SLC26A11: variants seen among roughly 807,000 people sequenced by gnomAD.
SLC26A11 encodes solute carrier family 26 member 11.
Under a neutral mutation model 62.2 loss-of-function variants are expected in SLC26A11, and 58 were observed. The observed-to-expected ratio is 0.93, with a 90% CI of 0.76 to 1.16. SLC26A11 has a LOEUF of 1.16. Ranked by LOEUF, SLC26A11 falls within the 50% of genes most tolerant of loss-of-function variation. The pLI, the probability that SLC26A11 is intolerant of heterozygous loss-of-function variation, is 0.00. For missense variants in SLC26A11, 790 were observed against 794.3 expected (o/e 0.99, Z 0.06); for synonymous variants, 411 against 368.9 (o/e 1.11, Z -1.31).
intron 7 of SLC26A11, among the ~76,000 whole-genome samples, chr17:80,235,102 G>A (rs2042658792): frequency 2.0e-5 from 3 of 152,012 alleles, no homozygotes; most frequent in South Asian, 4.1e-4. Flanking sequence ...CAGCTGCCTC[G>A]GCCTCCCAAA....
At chr17:80,236,237 G>C (rs1028025509) in intron 7 of SLC26A11, among the ~76,000 whole-genome samples, 1 of 152,088 alleles carries the variant, frequency 6.6e-6, no homozygotes, top group Non-Finnish European at 1.5e-5. Flanking sequence ...GCTTTGCCTC[G>C]ACCAGTTCTC....
intron 14 of SLC26A11, 104 bp downstream of exon 14, chr17:80,248,361 T>C (rs1047993311): frequency 5.4e-5 from 79 of 1,457,246 alleles, no homozygotes; most frequent in Non-Finnish European, 7.0e-5. Context: ...TGGGTGCTGC[T>C]GAAGGGGACC....
intron 16 of SLC26A11, 31 bp downstream of exon 16, chr17:80,249,318 A>G: frequency 1.2e-6 from 2 of 1,604,412 alleles, no homozygotes; most frequent in Non-Finnish European, 8.5e-7. Context: ...CTTAGGGGTT[A>G]GCAGCTGCCG....
intron 7 of SLC26A11, 131 bp from the exon 8 acceptor site, chr17:80,236,797 A>C (rs2042705234): frequency 1.1e-6 from 1 of 911,422 alleles, no homozygotes; most frequent in Non-Finnish European, 1.7e-6. Flanking sequence ...CCCAGAGTGC[A>C]GAGTGAGGAC....
rs146821162 is a variant in SLC26A11, at chr17:80,245,352, G to A, written c.1097+96G>A. The A allele has an allele frequency of 3.3e-4, 414 of 1,242,988 alleles. 2 individuals carry two copies. In the African/African-American group the frequency reaches 5.4e-3, roughly 16 times the overall value. The allele number at this position is 1,242,988 out of a possible 1,614,324, so 77.0% of individuals were successfully genotyped here. ...CTGCCTGCCCTGACCCCGGCGCCCCGTCCTCCACTGTGAACGCTCCGTGGA... is the reference window on the plus strand; with the variant it reads ...CTGCCTGCCCTGACCCCGGCGCCCCATCCTCCACTGTGAACGCTCCGTGGA... On this transcript the variant is annotated intron_variant, in intron 11 of 17. Transcript: ENST00000361193.
chr17:80,237,092 G>A lies in SLC26A11; in HGVS notation c.901G>A (p.Glu301Lys), dbSNP rs1195370265. ...AGCCAACGGGACGATCTCCTTCACC[G>A]AGATGGTGCAGGTGGGCGGAGCCGG... is the stretch of plus-strand genomic sequence containing the variant. Reference protein sequence around the residue: ...TTANGTISFTEMVQDMGAGLA... With the variant: ...TTANGTISFTKMVQDMGAGLA... Residue 301 changes from glutamate (E) to lysine (K), a missense_variant, in exon 8 of 18, where the codon GAG becomes AAG. Coordinates refer to ENST00000361193, the MANE Select transcript of SLC26A11 (RefSeq NM_001166347.2). 1.6e-5 allele frequency: 25 copies of A among 1,611,912 alleles called. No individual in the cohort carries two copies. The highest frequency in any genetic ancestry group is 2.2e-5 in the East Asian group (1 of 44,836).
intron 7 of SLC26A11, among the ~76,000 whole-genome samples, chr17:80,232,878 G>A (rs780663362): frequency 1.4e-4 from 22 of 152,016 alleles, no homozygotes; most frequent in Non-Finnish European, 2.8e-4. Context: ...GTTTCTAAGT[G>A]ACTGCTTTAA....
chr17:80,221,320 A>AC, intron 2 of SLC26A11: 2 of 462,330 alleles, frequency 4.3e-6, no homozygotes, highest in East Asian at 3.6e-5. Flanking sequence ...CAGGATTTGC[A>AC]CGGGGGGGAT....
chr17:80,249,298 A>T lies in SLC26A11; in HGVS notation c.1656+11A>T, dbSNP rs370652078. On this transcript the variant is annotated intron_variant, in intron 16 of 17. Coordinates refer to ENST00000361193, the MANE Select transcript of SLC26A11 (RefSeq NM_001166347.2). Reference sequence around the variant, plus strand: ...TTTGTGGGCCTGCAGGTGGGTGTGCACTGGGCTGCCTTAGGGGTTAGCAGC... The same window carrying T: ...TTTGTGGGCCTGCAGGTGGGTGTGCTCTGGGCTGCCTTAGGGGTTAGCAGC... 3.7e-5 allele frequency: 59 copies of T among 1,608,934 alleles called. No individual in the cohort carries two copies. The African/African-American group carries it at 7.1e-4, about 19-fold the overall frequency.
Position 80,223,337 on chromosome 17 carries a change from G to C in SLC26A11, c.513G>C (p.Lys171Asn), listed in dbSNP as rs1210915565. Residue 171 changes from lysine to asparagine, a missense_variant and splice_region_variant, in exon 5 of 18, where the codon AAG becomes AAC. Transcript: ENST00000361193. This position sits in a 1 kb window ranked among gnomAD's most constrained non-coding sequence, Gnocchi z 4.6. ...AAVTIGFGQI[K>N]NLLGLQNIPR... The stretch of plus-strand genomic sequence containing the variant: ...TCACCATCGGCTTTGGACAGATCAA[G>C]GTAGGCACGGCGCCCACCCAGGGCA... 2 of 1,613,926 alleles carry C rather than the reference G, an allele frequency of 1.2e-6. No homozygotes were observed. Among genetic ancestry groups the C allele is most frequent in the Non-Finnish European group, 8.5e-7 (1 of 1,179,982 alleles).
chr17:80,248,458 C>T, intron 14 of SLC26A11, 117 bp from the exon 15 acceptor site: 2 of 1,289,932 alleles, frequency 1.6e-6, no homozygotes, highest in Non-Finnish European at 2.1e-6. Flanking sequence ...CCTTAGCACC[C>T]CTCTCCCGGT....
chr17:80,226,979 C>G (rs2042430700), intron 6 of SLC26A11, among the ~76,000 whole-genome samples: 1 of 152,166 alleles, frequency 6.6e-6, no homozygotes, highest in Non-Finnish European at 1.5e-5. Context: ...TCTTCAGAGG[C>G]ACCAGTGGGC....
Position 80,228,034 on chromosome 17 carries a change from C to A in SLC26A11, c.736+74C>A. The stretch of plus-strand genomic sequence containing the variant: ...GGTCACTTGGGGAGTCCTAGTCCCA[C>A]CCTAGGGATTCTCACGTCATTGGTC... On this transcript the variant is annotated intron_variant, in intron 7 of 17. Transcript: ENST00000361193. The surrounding 1 kb of genome is among the most constrained non-coding windows in gnomAD (Gnocchi z 4.1). 7.2e-7 allele frequency: 1 copy of A among 1,387,694 alleles called. No homozygotes were observed. Among genetic ancestry groups the A allele is most frequent in the South Asian group, 1.2e-5 (1 of 80,082 alleles). The allele number at this position is 1,387,694 out of a possible 1,614,324, so 86.0% of individuals were successfully genotyped here.
intron 7 of SLC26A11, among the ~76,000 whole-genome samples, chr17:80,230,234 A>G (rs186023048): frequency 3.3e-5 from 5 of 151,268 alleles, no homozygotes; most frequent in Non-Finnish European, 7.4e-5. Context: ...GGAAATGCTT[A>G]GAGACCCCAT....
At chr17:80,232,946 G>C (rs2042599369) in intron 7 of SLC26A11, among the ~76,000 whole-genome samples, 1 of 152,088 alleles carries the variant, frequency 6.6e-6, no homozygotes, top group African/African-American at 2.4e-5. Flanking sequence ...AACTTCATGT[G>C]ATATAAGAAC....
Position 80,223,360 on chromosome 17 carries a change from G to A in SLC26A11, c.513+23G>A. On this transcript the variant is annotated intron_variant, in intron 5 of 17. Transcript: ENST00000361193. The surrounding 1 kb of genome is among the most constrained non-coding windows in gnomAD (Gnocchi z 4.6). ...AAGGTAGGCACGGCGCCCACCCAGG[G>A]CACTGCTCTTTGGCCACTGCTCGTT... is the stretch of plus-strand genomic sequence containing the variant. 2 of 1,611,766 alleles carry A rather than the reference G, an allele frequency of 1.2e-6. No individual in the cohort carries two copies. The highest frequency in any genetic ancestry group is 1.7e-6 in the Non-Finnish European group (2 of 1,178,528).
chr17:80,246,501 C>A lies in SLC26A11; in HGVS notation c.1154-8C>A. The A allele has an allele frequency of 1.2e-6, 2 of 1,609,490 alleles. No homozygotes were observed. Among genetic ancestry groups the A allele is most frequent in the Non-Finnish European group, 1.7e-6 (2 of 1,179,944 alleles). ...TCCCGAGGTCACCTGTGTTCCCGTG[C>A]CCCGCAGGAGTGCTGGTGCTGCTGT... is the stretch of plus-strand genomic sequence containing the variant. On this transcript the variant is annotated splice_region_variant and splice_polypyrimidine_tract_variant and intron_variant, in intron 12 of 17. Coordinates refer to ENST00000361193, the MANE Select transcript of SLC26A11 (RefSeq NM_001166347.2). This position sits in a 1 kb window ranked among gnomAD's most constrained non-coding sequence, Gnocchi z 4.4.
intron 7 of SLC26A11, among the ~76,000 whole-genome samples, chr17:80,231,193 GC>G (rs1300425984): frequency 7.6e-5 from 9 of 118,170 alleles, no homozygotes; most frequent in Non-Finnish European, 1.3e-4. Flanking sequence ...ACGGAGTTTC[GC>G]TCTTGTCCCC....
chr17:80,237,061 G>A lies in SLC26A11; in HGVS notation c.870G>A (p.Val290=). The A allele has an allele frequency of 6.2e-7, 1 of 1,613,920 alleles. No homozygotes were observed. The highest frequency in any genetic ancestry group is 8.5e-7 in the Non-Finnish European group (1 of 1,179,934). The part of the protein sequence containing the change: ...LPPVRIPPFS[V]TTANGTISFT... The stretch of plus-strand genomic sequence containing the variant: ...CAGTCCGGATCCCGCCCTTCTCAGT[G>A]ACCACAGCCAACGGGACGATCTCCT... Residue 290 remains valine (V), a synonymous_variant, in exon 8 of 18, where the codon GTG becomes GTA. Coordinates refer to ENST00000361193, the MANE Select transcript of SLC26A11 (RefSeq NM_001166347.2).
Sources: allele counts gnomAD v4.1 joint callset (sites outside exome capture counted in the v4.1 genomes callset), GRCh38; gene constraint gnomAD v4.1.1; non-coding constraint Gnocchi (gnomAD v3.1); transcripts MANE v1.5; gene names NCBI Gene and HGNC (gene_info 2026-07-23, HGNC 2026-07-21).